Variants in KIF6 observed in about 807,000 individuals in gnomAD.
KIF6 encodes the protein kinesin-like protein KIF6.
Under a neutral mutation model 112.7 loss-of-function variants are expected in KIF6, and 106 were observed. That is an observed-to-expected ratio of 0.94 (90% CI 0.80 to 1.11). KIF6 has a LOEUF of 1.11. Among genes scored for constraint, KIF6 ranks in the 50% least tolerant of loss-of-function variants. The probability of loss-of-function intolerance (pLI) is 0.00; values close to 1 mark genes in which losing one functional copy is unlikely to be tolerated. For missense variants in KIF6, 929 were observed against 964.0 expected (o/e 0.96, Z 0.48); for synonymous variants, 339 against 339.9 (o/e 1.00, Z 0.03).
At chr6:39,399,636 G>A (rs1768538904) in intron 15 of KIF6, among the ~76,000 whole-genome samples, 1 of 152,186 alleles carries the variant, frequency 6.6e-6, no homozygotes, top group South Asian at 2.1e-4. Flanking sequence ...CAGTGCTCTG[G>A]AGAAAGTGAA....
At chr6:39,608,332 G>C (rs1274359504) in intron 6 of KIF6, among the ~76,000 whole-genome samples, 1 of 152,146 alleles carries the variant, frequency 6.6e-6, no homozygotes, top group Non-Finnish European at 1.5e-5. Flanking sequence ...TCATACCTTA[G>C]CCTAGCCTAC....
Position 39,725,268 on chromosome 6 carries a change from G to C in KIF6, c.43C>G (p.Pro15Ala), listed in dbSNP as rs536274915. Residue 15 changes from proline to alanine, a missense_variant, in exon 1 of 23, where the codon CCT (proline) becomes GCT (alanine). This residue lies in a region of KIF6 where 688 missense variants were observed against 662.7 expected (regional missense o/e 1.04). Coordinates refer to ENST00000287152, the MANE Select transcript of KIF6 (RefSeq NM_145027.6). ...ACCCCTTGTTGGTGCTTCCGGACAG[G>C]GGGCTTCACCCTCGCGAATATCTGG... The part of the protein sequence containing the change: ...TIQIFARVKP[P>A]VRKHQQGIYS... The C allele has an allele frequency of 7.5e-6, 12 of 1,610,348 alleles. No homozygotes were observed. The East Asian group carries it at 2.7e-4, about 36-fold the overall frequency.
intron 10 of KIF6, among the ~76,000 whole-genome samples, chr6:39,568,963 T>A (rs1287197427): frequency 6.6e-6 from 1 of 152,164 alleles, no homozygotes; most frequent in Non-Finnish European, 1.5e-5. Context: ...TCTCTCTCTC[T>A]CTCTGTCTCT....
intron 6 of KIF6, among the ~76,000 whole-genome samples, chr6:39,609,294 T>G (rs570417729): frequency 7.5e-4 from 114 of 152,174 alleles, no homozygotes; most frequent in African/African-American, 2.4e-3. Context: ...CCCCGGACTT[T>G]CCCAAAGTCG....
intron 13 of KIF6, among the ~76,000 whole-genome samples, chr6:39,493,507 A>G (rs1775600386): frequency 6.6e-6 from 1 of 152,254 alleles, no homozygotes; most frequent in African/African-American, 2.4e-5. Context: ...GATGTTCAAC[A>G]GAATCAGGAA....
intron 13 of KIF6, among the ~76,000 whole-genome samples, chr6:39,500,049 T>A (rs1325169610): frequency 2.6e-5 from 4 of 152,160 alleles, no homozygotes; most frequent in African/African-American, 9.6e-5. Context: ...GAGCATGACA[T>A]CTGGAGTGGC....
chr6:39,578,522 AG>A lies in KIF6; in HGVS notation c.1078-364del, dbSNP rs536453958. Among the ~76,000 whole-genome samples, 116 of 152,000 alleles carry A rather than the reference AG, an allele frequency of 7.6e-4. No homozygotes were observed. In the Middle Eastern group the frequency reaches 0.01, roughly 13 times the overall value. On this transcript the variant is annotated intron_variant, in intron 9 of 22. Transcript: ENST00000287152. ...CTTTTGTATTTTTTTTAGTAGAGAC[AG>A]GGTTTTACCATGTTAGCCAGGATGG...
chr6:39,561,691 C>A (rs532155176), intron 10 of KIF6, among the ~76,000 whole-genome samples: 1 of 152,194 alleles, frequency 6.6e-6, no homozygotes, highest in African/African-American at 2.4e-5. Flanking sequence ...ATTGTGAAAC[C>A]TTTGCTTTCC....
At chr6:39,494,819 A>G (rs1231584800) in intron 13 of KIF6, among the ~76,000 whole-genome samples, 1 of 151,310 alleles carries the variant, frequency 6.6e-6, no homozygotes, top group Non-Finnish European at 1.5e-5. Flanking sequence ...TTTTACAGAC[A>G]AAAAAAAAGA....
At chr6:39,560,497 A>G (rs1039979338) in intron 10 of KIF6, among the ~76,000 whole-genome samples, 1 of 152,162 alleles carries the variant, frequency 6.6e-6, no homozygotes, top group African/African-American at 2.4e-5. Context: ...GGCTTTGCTC[A>G]TATTGATTCC....
chr6:39,443,276 C>T (rs1772070464), intron 13 of KIF6, among the ~76,000 whole-genome samples: 1 of 151,780 alleles, frequency 6.6e-6, no homozygotes, highest in Non-Finnish European at 1.5e-5. Context: ...TGTTGAGTGG[C>T]TTCCACCCTA....
Position 39,378,579 on chromosome 6 carries a change from CA to C in KIF6, c.1861+7042del, listed in dbSNP as rs1327495173. Among the ~76,000 whole-genome samples, 1 of 152,220 alleles carries C rather than the reference CA, an allele frequency of 6.6e-6. No homozygotes were observed. Among genetic ancestry groups the C allele is most frequent in the African/African-American group, 2.4e-5 (1 of 41,452 alleles). ...GTGGTTCAGAATCCTGCCCATTCCT[CA>C]AGACTCAGCCCAGGCCTGTGGTCTT... On this transcript the variant is annotated intron_variant, in intron 16 of 22. Transcript: ENST00000287152. The surrounding 1 kb of genome is among the most constrained non-coding windows in gnomAD (Gnocchi z 5.0).
intron 3 of KIF6, among the ~76,000 whole-genome samples, chr6:39,687,111 C>T (rs189172062): frequency 7.2e-5 from 11 of 152,136 alleles, no homozygotes; most frequent in Non-Finnish European, 1.6e-4. Flanking sequence ...TCAATAGCAG[C>T]GCCACAACAC....
At position 39,346,085 on chromosome 6, in the gene KIF6, T is replaced by TCTCTCTCTCTCTCCCC. The variant is rs1212794740; in HGVS notation, c.2232-297_2232-296insGGGGAGAGAGAGAGAG. Among the ~76,000 whole-genome samples, 2 of 21,598 alleles carry TCTCTCTCTCTCTCCCC rather than the reference T, an allele frequency of 9.3e-5. 1 individual carries two copies. Among genetic ancestry groups the TCTCTCTCTCTCTCCCC allele is most frequent in the Non-Finnish European group, 1.6e-4 (2 of 12,474 alleles). 14.2% of individuals were successfully genotyped at this position (21,598 alleles called of 152,430 possible). Reference sequence around the variant, plus strand: ...CTCTCTCTCTCTCTCTCTCTCTCTCTCCCCCCCCTCTCCCTCCCCCCCTCC... The same window carrying TCTCTCTCTCTCTCCCC: ...CTCTCTCTCTCTCTCTCTCTCTCTCTCTCTCTCTCTCTCCCCCCCCCCCCTCTCCCTCCCCCCCTCC... On this transcript the variant is annotated intron_variant, in intron 20 of 22. Transcript: ENST00000287152.
chr6:39,380,795 A>G lies in KIF6; in HGVS notation c.1861+4827T>C, dbSNP rs116333898. Among the ~76,000 whole-genome samples the G allele has an allele frequency of 2.1e-3, 313 of 152,364 alleles. 2 individuals are homozygous for G. The highest frequency in any genetic ancestry group is 7.0e-3 in the African/African-American group (292 of 41,584). ...CCTCGTCACACAGTGTTCCCACCAC[A>G]CAGATACAGTGGATACAGATCACTT... On this transcript the variant is annotated intron_variant, in intron 16 of 22. Transcript: ENST00000287152.
rs764226641 is a variant in KIF6, at chr6:39,584,935, T to C, written c.1040A>G (p.Asn347Ser). 8.7e-6 allele frequency: 14 copies of C among 1,612,618 alleles called. No individual in the cohort carries two copies. The highest frequency in any genetic ancestry group is 1.1e-5 in the Non-Finnish European group (13 of 1,178,888). ...RFAQRVALIK[N>S]EAVLNEEINP... ...AATTTCTTCATTAAGAACAGCTTCA[T>C]TCTTTATGAGTGCCACTCGCTGTGC... The change falls in exon 9 of 23, where the codon AAT becomes AGT. Residue 347 changes from asparagine to serine, a missense_variant. Asn to Ser is a conservative substitution (Grantham distance 46). Coordinates refer to ENST00000287152, the MANE Select transcript of KIF6 (RefSeq NM_145027.6).
At chr6:39,546,463 T>C (rs1779074364) in intron 10 of KIF6, among the ~76,000 whole-genome samples, 1 of 152,128 alleles carries the variant, frequency 6.6e-6, no homozygotes, top group Non-Finnish European at 1.5e-5. Context: ...GTTTTTCCTA[T>C]CCTAAAACAA....
chr6:39,673,100 A>G (rs1490378623), intron 3 of KIF6, among the ~76,000 whole-genome samples: 1 of 152,182 alleles, frequency 6.6e-6, no homozygotes. Context: ...TGCTGCCTCA[A>G]AAGCCAAATG....
At chr6:39,500,817 C>G (rs1776084804) in intron 13 of KIF6, among the ~76,000 whole-genome samples, 2 of 151,990 alleles carry the variant, frequency 1.3e-5, no homozygotes, top group African/African-American at 4.8e-5. Context: ...TGGAAGCTCT[C>G]TGAGAAGCAG....
Sources: gnomAD v4.1 joint callset for allele counts (sites outside exome capture counted in the v4.1 genomes callset) on GRCh38, gnomAD v4.1.1 for gene constraint, gnomAD v4.1.1 regional missense constraint, Gnocchi (gnomAD v3.1) non-coding constraint, MANE v1.5 for transcripts, NCBI Gene and HGNC (gene_info 2026-07-23, HGNC 2026-07-21) for gene names.